Variants in PAN3 observed in about 807,000 individuals in gnomAD.
PAN3 encodes PAN2-PAN3 deadenylation complex subunit PAN3.
Under a neutral mutation model 96.2 loss-of-function variants are expected in PAN3, and 19 were observed. That is an observed-to-expected ratio of 0.20 (90% CI 0.14 to 0.29). PAN3 has a LOEUF of 0.29. PAN3 is among the 10% of genes least tolerant of loss of function. PAN3 has a pLI of 1.00. For synonymous variants in PAN3, 433 were observed against 406.6 expected, an observed-to-expected ratio of 1.06 and a Z score of -0.78; for missense variants, 882 against 1,108.1, an observed-to-expected ratio of 0.80 and a Z score of 2.90.
At chr13:28,266,664 A>C in intron 9 of PAN3, 51 bp from the exon 10 acceptor site, 1 of 1,378,468 alleles carries the variant, frequency 7.3e-7, no homozygotes, top group South Asian at 1.6e-5. Flanking sequence ...TTTTTGAGAA[A>C]GATTTATGAA....
intron 1 of PAN3, among the ~76,000 whole-genome samples, chr13:28,165,224 G>T (rs1221682535): frequency 6.6e-6 from 1 of 151,638 alleles, no homozygotes; most frequent in Non-Finnish European, 1.5e-5. Context: ...GATTCATTAG[G>T]TATAGGATCC....
At chr13:28,169,368 T>C (rs1452705486) in intron 1 of PAN3, among the ~76,000 whole-genome samples, 2 of 151,396 alleles carry the variant, frequency 1.3e-5, no homozygotes, top group Non-Finnish European at 2.9e-5. Context: ...TAGCTGGTCT[T>C]ACAGGTGCCC....
chr13:28,178,702 TTAAC>T (rs1593418060), intron 4 of PAN3, among the ~76,000 whole-genome samples: 2 of 152,086 alleles, frequency 1.3e-5, no homozygotes, highest in South Asian at 2.1e-4. Context: ...AAATGTAAAA[TTAAC>T]TAAAGCTCAG....
At chr13:28,280,607 G>A in intron 16 of PAN3, 66 bp downstream of exon 16, 2 of 1,387,802 alleles carry the variant, frequency 1.4e-6, no homozygotes, top group East Asian at 5.1e-5. Context: ...TGTCACCCAG[G>A]CTGGAGTGCA....
chr13:28,191,858 G>A (rs1877303294), intron 4 of PAN3, among the ~76,000 whole-genome samples: 1 of 151,978 alleles, frequency 6.6e-6, no homozygotes, highest in Non-Finnish European at 1.5e-5. Flanking sequence ...TCCCACCTCA[G>A]GCTCCAGAGT....
In PAN3 at chr13:28,270,722, C is replaced by T; in HGVS notation, c.1814C>T (p.Pro605Leu). 2 of 1,613,742 alleles carry T rather than the reference C, an allele frequency of 1.2e-6. No individual in the cohort carries two copies. Among genetic ancestry groups the T allele is most frequent in the Non-Finnish European group, 1.7e-6 (2 of 1,179,754 alleles). ...RKWGQHEGPL[P>L]RQHAGLLPES... ...ATAGGTCAGCACGAGGGACCATTGCCCAGGCAGCATGCTGGATTATTGCCA... is the reference window on the plus strand; with the variant it reads ...ATAGGTCAGCACGAGGGACCATTGCTCAGGCAGCATGCTGGATTATTGCCA... Residue 605 changes from proline to leucine, a missense_variant, in exon 13 of 19, where the codon CCC (proline) becomes CTC (leucine). Transcript: ENST00000380958.
chr13:28,168,777 G>A (rs1873904781), intron 1 of PAN3, among the ~76,000 whole-genome samples: 1 of 152,036 alleles, frequency 6.6e-6, no homozygotes, highest in Non-Finnish European at 1.5e-5. Flanking sequence ...CCACCACTTT[G>A]GGAGGCTGAG....
chr13:28,182,023 C>G (rs988857099), intron 4 of PAN3, among the ~76,000 whole-genome samples: 1 of 152,112 alleles, frequency 6.6e-6, no homozygotes, highest in Non-Finnish European at 1.5e-5. Flanking sequence ...TTAAATTTGA[C>G]CACTGTTATG....
At position 28,294,200 on chromosome 13, in the gene PAN3, T is replaced by C. The variant is rs1041408060; in HGVS notation, c.*1678T>C. The C allele has an allele frequency of 6.6e-6, 1 of 152,650 alleles. No homozygotes were observed. Among genetic ancestry groups the C allele is most frequent in the Non-Finnish European group, 1.5e-5 (1 of 68,044 alleles). The allele number at this position is 152,650 out of a possible 1,614,324, so 9.5% of individuals were successfully genotyped here. The stretch of plus-strand genomic sequence containing the variant: ...AGTTGTTGAGTTAAAAAGAAAATTA[T>C]TGCATTTGATCTGGATGGATTTTAA... On this transcript the variant is annotated 3_prime_UTR_variant, in exon 19 of 19. Transcript: ENST00000380958.
chr13:28,138,795 G>T lies in PAN3; in HGVS notation c.138G>T (p.Leu46=), dbSNP rs1869155129. 1.4e-6 allele frequency: 2 copies of T among 1,403,318 alleles called. No individual in the cohort carries two copies. The highest frequency in any genetic ancestry group is 1.8e-6 in the Non-Finnish European group (2 of 1,082,222). 86.9% of individuals were successfully genotyped at this position (1,403,318 alleles called of 1,614,324 possible). The change falls in exon 1 of 19, where the codon CTG becomes CTT. Residue 46 remains leucine (L), a synonymous_variant. Coordinates refer to ENST00000380958, the MANE Select transcript of PAN3 (RefSeq NM_175854.8). ...VPGGAAVGVK[L]KYCRYYAKDK... ...GCGGGGCGGCGGTAGGAGTGAAGCT[G>T]AAGTACTGCCGCTACTACGCTAAGG...
At chr13:28,215,582 C>CACA (rs1880646255) in intron 5 of PAN3, 2 of 774,808 alleles carry the variant, frequency 2.6e-6, no homozygotes, top group Admixed American at 4.1e-5. Flanking sequence ...CTGTCTATGC[C>CACA]CTTGTACTGA....
intron 1 of PAN3, among the ~76,000 whole-genome samples, chr13:28,165,975 A>C (rs1298252140): frequency 6.6e-6 from 1 of 152,168 alleles, no homozygotes; most frequent in Non-Finnish European, 1.5e-5. Context: ...GTTTCAACAC[A>C]TGAATTTTGC....
chr13:28,155,264 A>G (rs993952515), intron 1 of PAN3, among the ~76,000 whole-genome samples: 1 of 152,110 alleles, frequency 6.6e-6, no homozygotes, highest in Non-Finnish European at 1.5e-5. Flanking sequence ...TATATTTAAC[A>G]TTTTTGTGCT....
At chr13:28,173,438 A>G (rs753097528) in intron 1 of PAN3, among the ~76,000 whole-genome samples, 4 of 152,226 alleles carry the variant, frequency 2.6e-5, no homozygotes, top group Non-Finnish European at 5.9e-5. Context: ...TTTTGTAATT[A>G]TAAATGCAGT....
intron 5 of PAN3, among the ~76,000 whole-genome samples, chr13:28,200,784 G>A (rs1203508694): frequency 6.6e-6 from 1 of 152,134 alleles, no homozygotes; most frequent in African/African-American, 2.4e-5. Context: ...ATATTGATAA[G>A]ACCCATCTGA....
intron 6 of PAN3, among the ~76,000 whole-genome samples, chr13:28,225,653 A>G (rs974505684): frequency 6.6e-5 from 10 of 152,180 alleles, no homozygotes; most frequent in African/African-American, 2.4e-4. Flanking sequence ...GTACATTTTA[A>G]CAATTTGAAT....
At chr13:28,181,298 C>T (rs1308127832) in intron 4 of PAN3, among the ~76,000 whole-genome samples, 1 of 151,884 alleles carries the variant, frequency 6.6e-6, no homozygotes, top group African/African-American at 2.4e-5. Flanking sequence ...CACTTGAGGT[C>T]AGGAGTTCAA....
At chr13:28,206,025 T>C (rs1048277741) in intron 5 of PAN3, among the ~76,000 whole-genome samples, 4 of 152,138 alleles carry the variant, frequency 2.6e-5, no homozygotes, top group African/African-American at 9.7e-5. Flanking sequence ...TTCATGTGTC[T>C]CTTCAATATT....
At chr13:28,169,986 G>T (rs898156075) in intron 1 of PAN3, among the ~76,000 whole-genome samples, 1 of 152,140 alleles carries the variant, frequency 6.6e-6, no homozygotes, top group Non-Finnish European at 1.5e-5. Context: ...GGCAGAGTTT[G>T]CAGTGAGCTG....
Sources: gnomAD v4.1 joint callset for allele counts (sites outside exome capture counted in the v4.1 genomes callset) on GRCh38, gnomAD v4.1.1 for gene constraint, MANE v1.5 for transcripts, NCBI Gene and HGNC (gene_info 2026-07-23, HGNC 2026-07-21) for gene names.